Variants in EPHA7 observed in about 807,000 individuals in gnomAD.
The protein encoded by EPHA7 is EPH receptor A7.
A neutral mutation model predicts 112.6 loss-of-function variants in EPHA7; 25 were observed. The ratio of observed to expected loss-of-function variants is 0.22; its 90% CI spans 0.16 to 0.31. The LOEUF (loss-of-function observed/expected upper bound fraction) is 0.31, where lower values mean the gene tolerates loss of function less well. Among genes scored for constraint, EPHA7 ranks in the 10% least tolerant of loss-of-function variants. The pLI is 1.00. For synonymous variants in EPHA7, 437 were observed against 406.5 expected (o/e 1.07, Z -0.90); for missense variants, 962 against 1,212.6 (o/e 0.79, Z 3.07).
At chr6:93,384,732 C>T (rs1777516078) in intron 3 of EPHA7, among the ~76,000 whole-genome samples, 1 of 152,270 alleles carries the variant, frequency 6.6e-6, no homozygotes, top group African/African-American at 2.4e-5. Context: ...TTTATTCCCT[C>T]ACTTTAATTA....
chr6:93,377,271 C>T (rs144143496), intron 3 of EPHA7, among the ~76,000 whole-genome samples: 2 of 152,170 alleles, frequency 1.3e-5, no homozygotes, highest in Admixed American at 6.5e-5. Context: ...GTCAATAGTG[C>T]TACTGTTGAG....
At position 93,350,859 on chromosome 6, in the gene EPHA7, G is replaced by A. The variant is rs183055527; in HGVS notation, c.1324+5858C>T. On this transcript the variant is annotated intron_variant, in intron 5 of 16. Coordinates refer to ENST00000369303, the MANE Select transcript of EPHA7 (RefSeq NM_004440.4). ...TTACTTTCCTGTTCAAAAACACTCC[G>A]GTTTCCCCGCTGTCTATCAGAAAAG... 1.0e-3 allele frequency among the ~76,000 whole-genome samples: 155 copies of A among 151,876 alleles called. 1 individual carries two copies. The highest frequency in any genetic ancestry group is 3.4e-3 in the Middle Eastern group (1 of 294).
intron 5 of EPHA7, among the ~76,000 whole-genome samples, chr6:93,336,568 A>AT (rs1047764168): frequency 1.2e-4 from 18 of 151,790 alleles, no homozygotes; most frequent in Admixed American, 3.9e-4. Context: ...ACGCCTAGCT[A>AT]TTTTTTTTAT....
At chr6:93,341,914 G>C (rs1775157448) in intron 5 of EPHA7, among the ~76,000 whole-genome samples, 1 of 150,850 alleles carries the variant, frequency 6.6e-6, no homozygotes, top group Non-Finnish European at 1.5e-5. Context: ...CAATATCTAA[G>C]AGAAAAAATT....
At chr6:93,391,049 T>C (rs2127980914) in intron 3 of EPHA7, among the ~76,000 whole-genome samples, 1 of 152,100 alleles carries the variant, frequency 6.6e-6, no homozygotes, top group Admixed American at 6.6e-5. Flanking sequence ...CCCATCAGTT[T>C]AATCATTTTC....
chr6:93,259,868 T>C (rs1770607678), intron 9 of EPHA7, among the ~76,000 whole-genome samples: 1 of 151,948 alleles, frequency 6.6e-6, no homozygotes, highest in Admixed American at 6.6e-5. Flanking sequence ...AGTCAATCAA[T>C]CAAATTAATA....
At chr6:93,414,359 A>T (rs1278870799) in intron 2 of EPHA7, among the ~76,000 whole-genome samples, 1 of 151,966 alleles carries the variant, frequency 6.6e-6, no homozygotes, top group Non-Finnish European at 1.5e-5. Flanking sequence ...CATGGTGATT[A>T]TACTAGAAAT....
At chr6:93,284,909 T>C (rs563234029) in intron 5 of EPHA7, among the ~76,000 whole-genome samples, 1 of 152,196 alleles carries the variant, frequency 6.6e-6, no homozygotes, top group African/African-American at 2.4e-5. Flanking sequence ...GATGGGTTGA[T>C]GGGTGCAGCA....
chr6:93,256,427 A>G (rs986258571), intron 12 of EPHA7, among the ~76,000 whole-genome samples: 1 of 152,100 alleles, frequency 6.6e-6, no homozygotes, highest in East Asian at 1.9e-4. Context: ...ATTAATATAC[A>G]TATAATAAGG....
At chr6:93,309,562 A>C (rs530951986) in intron 5 of EPHA7, among the ~76,000 whole-genome samples, 1 of 152,258 alleles carries the variant, frequency 6.6e-6, no homozygotes, top group Non-Finnish European at 1.5e-5. Context: ...TTGCCCAATA[A>C]GGCTAATTAA....
In EPHA7 at chr6:93,245,457, G is replaced by A; in HGVS notation, c.2727-4C>T. On this transcript the variant is annotated splice_region_variant and splice_polypyrimidine_tract_variant and intron_variant, in intron 15 of 16. Transcript: ENST00000369303. ...ATCCAGAAGAGGGCTTATTGGCCTAGATAAAAATGAAACAGAAAAGCGAAC... is the reference window on the plus strand; with the variant it reads ...ATCCAGAAGAGGGCTTATTGGCCTAAATAAAAATGAAACAGAAAAGCGAAC... The A allele has an allele frequency of 2.5e-6, 4 of 1,603,034 alleles. No individual in the cohort carries two copies. The highest frequency in any genetic ancestry group is 3.4e-6 in the Non-Finnish European group (4 of 1,177,088).
At chr6:93,321,329 A>ATTAT in intron 5 of EPHA7, among the ~76,000 whole-genome samples, 1 of 152,056 alleles carries the variant, frequency 6.6e-6, no homozygotes, top group East Asian at 1.9e-4. Flanking sequence ...ACAGTAATAT[A>ATTAT]TTATTTGTTG....
intron 3 of EPHA7, among the ~76,000 whole-genome samples, chr6:93,360,567 A>G (rs1776212312): frequency 6.6e-6 from 1 of 152,124 alleles, no homozygotes; most frequent in Non-Finnish European, 1.5e-5. Context: ...TACTAGTGGA[A>G]TTCCTCAGAA....
chr6:93,362,032 A>C (rs75587870), intron 3 of EPHA7, among the ~76,000 whole-genome samples: 2,002 of 152,140 alleles, frequency 0.013, 37 homozygotes, highest in African/African-American at 0.046. Context: ...TTCACCTCTT[A>C]TTTTAATAAC....
Position 93,263,913 on chromosome 6 carries a change from T to G in EPHA7, c.1745A>C (p.His582Pro). The G allele has an allele frequency of 6.2e-7, 1 of 1,608,740 alleles. No individual in the cohort carries two copies. Among genetic ancestry groups the G allele is most frequent in the East Asian group, 2.2e-5 (1 of 44,654 alleles). Residue 582 changes from histidine to proline, a missense_variant and splice_region_variant, in exon 9 of 17, where the codon CAC (histidine) becomes CCC (proline). His to Pro is a moderately conservative substitution (Grantham distance 77, BLOSUM62 -2). Transcript: ENST00000369303. ...TTGGTCAGCTTTGCTATAACCACAG[T>G]GCCTTGAAGAAAGCAAATTTGTGAC... The part of the protein sequence containing the change: ...MVFGFIIGRR[H>P]CGYSKADQEG...
chr6:93,329,106 T>C (rs1774462909), intron 5 of EPHA7, among the ~76,000 whole-genome samples: 1 of 151,440 alleles, frequency 6.6e-6, no homozygotes, highest in Non-Finnish European at 1.5e-5. Context: ...ATTTTTTTCA[T>C]TACCAATAAC....
intron 3 of EPHA7, among the ~76,000 whole-genome samples, chr6:93,364,392 C>T (rs186211959): frequency 1.1e-3 from 161 of 151,984 alleles, no homozygotes; most frequent in Non-Finnish European, 2.1e-3. Flanking sequence ...GGCGTGGTGG[C>T]AGGCACCTGT....
intron 3 of EPHA7, among the ~76,000 whole-genome samples, chr6:93,405,627 G>A (rs1467424942): frequency 6.6e-6 from 1 of 151,156 alleles, no homozygotes; most frequent in Non-Finnish European, 1.5e-5. Flanking sequence ...AACCCTATGA[G>A]GGTTTCTATT....
intron 5 of EPHA7, among the ~76,000 whole-genome samples, chr6:93,283,834 T>G (rs1343331619): frequency 6.6e-6 from 1 of 152,152 alleles, no homozygotes; most frequent in Non-Finnish European, 1.5e-5. Context: ...TCACAGAACC[T>G]TTGCTTCACA....
Sources: gnomAD v4.1 joint callset for allele counts (sites outside exome capture counted in the v4.1 genomes callset) on GRCh38, gnomAD v4.1.1 for gene constraint, MANE v1.5 for transcripts, NCBI Gene and HGNC (gene_info 2026-07-23, HGNC 2026-07-21) for gene names.